The following TOP2B variants were observed in gnomAD, a reference collection of about 807,000 sequenced individuals.
TOP2B encodes DNA topoisomerase 2-beta.
In TOP2B, 51 loss-of-function variants were observed where a neutral mutation model predicts 193.5. The ratio of observed to expected loss-of-function variants is 0.26; its 90% CI spans 0.21 to 0.33. The LOEUF is 0.33. TOP2B is among the 10% of genes least tolerant of loss of function. The pLI is 1.00. For missense variants in TOP2B, 1,378 were observed against 1,909.3 expected, an observed-to-expected ratio of 0.72 and a Z score of 5.19; for synonymous variants, 634 against 635.7, an observed-to-expected ratio of 1.00 and a Z score of 0.04.
At chr3:25,645,699 G>C (rs1029183718) in intron 1 of TOP2B, among the ~76,000 whole-genome samples, 1 of 152,112 alleles carries the variant, frequency 6.6e-6, no homozygotes, top group East Asian at 1.9e-4. Flanking sequence ...AGAATCACTA[G>C]AGCAGTCTCC....
At chr3:25,611,731 G>C (rs1254256078) in intron 28 of TOP2B, among the ~76,000 whole-genome samples, 1 of 151,860 alleles carries the variant, frequency 6.6e-6, no homozygotes, top group Non-Finnish European at 1.5e-5. Context: ...CAATGACACA[G>C]GATGTGCTTG....
chr3:25,606,283 C>A (rs1004781039), intron 31 of TOP2B, among the ~76,000 whole-genome samples, 161 bp from the exon 32 acceptor site: 10 of 152,068 alleles, frequency 6.6e-5, no homozygotes, highest in Non-Finnish European at 1.5e-5. Context: ...TAATAAAACT[C>A]TTTCTCTCTT....
At position 25,606,044 on chromosome 3, in the gene TOP2B, A is replaced by T; in HGVS notation, c.4377T>A (p.Asp1459Glu). ...SFPSYSQKSE[D>E]DSAKFDSNEE... is the part of the protein sequence containing the mutation. The stretch of plus-strand genomic sequence containing the variant: ...AATGAAAAGACTAAATGAACATACC[A>T]TCTTCTGACTTCTGAGAATATGAAG... The change falls in exon 32 of 36, where the codon GAT (aspartate) becomes GAA (glutamate). Residue 1459 changes from aspartate (D) to glutamate (E), a missense_variant and splice_region_variant. By Grantham distance (45) the Asp-to-Glu change is conservative. This residue lies in a region of TOP2B where 556 missense variants were observed against 584.2 expected (regional missense o/e 0.95). Transcript: ENST00000264331. The T allele has an allele frequency of 6.8e-7, 1 of 1,471,398 alleles. No individual in the cohort carries two copies. The highest frequency in any genetic ancestry group is 9.1e-7 in the Non-Finnish European group (1 of 1,096,122). The allele number at this position is 1,471,398 out of a possible 1,614,324, so 91.1% of individuals were successfully genotyped here.
intron 18 of TOP2B, among the ~76,000 whole-genome samples, chr3:25,625,569 G>A (rs1057205233): frequency 8.6e-5 from 13 of 151,734 alleles, no homozygotes; most frequent in Admixed American, 8.5e-4. Context: ...TTTGTTTTTT[G>A]GTTTTTTTGC....
intron 34 of TOP2B, among the ~76,000 whole-genome samples, chr3:25,600,594 A>G (rs963826241): frequency 6.6e-6 from 1 of 152,220 alleles, no homozygotes; most frequent in Non-Finnish European, 1.5e-5. Context: ...CCCTCATATC[A>G]TGTCTTACAA....
intron 12 of TOP2B, 73 bp from the exon 13 acceptor site, chr3:25,630,227 A>G (rs2125377541): frequency 6.6e-7 from 1 of 1,519,032 alleles, no homozygotes; most frequent in East Asian, 2.5e-5. Flanking sequence ...ACATTTAAAA[A>G]TTCGAGAAGT....
intron 13 of TOP2B, 28 bp from the exon 14 acceptor site, chr3:25,629,173 T>A (rs777981269): frequency 1.4e-6 from 2 of 1,445,578 alleles, no homozygotes; most frequent in Admixed American, 2.3e-5. Context: ...AAGTAAAAAA[T>A]GTTGTAATAC....
At chr3:25,619,264 C>T (rs992610038) in intron 23 of TOP2B, among the ~76,000 whole-genome samples, 5 of 150,350 alleles carry the variant, frequency 3.3e-5, no homozygotes, top group African/African-American at 1.3e-4. Context: ...CCCTTTCTCT[C>T]GCTTTCACAT....
At chr3:25,620,534 G>T (rs1702631918) in intron 22 of TOP2B, 148 bp downstream of exon 22, 1 of 767,498 alleles carries the variant, frequency 1.3e-6, no homozygotes, top group Non-Finnish European at 2.0e-6. Context: ...AATATTCAAA[G>T]CACAAATTCA....
chr3:25,615,751 T>C (rs1559495468), intron 25 of TOP2B, 165 bp from the exon 26 acceptor site: 2 of 544,796 alleles, frequency 3.7e-6, no homozygotes, highest in Admixed American at 4.1e-5. Context: ...TATTTCCTTA[T>C]AAAAAGTTTA....
chr3:25,651,399 T>C (rs2125403856), intron 1 of TOP2B, among the ~76,000 whole-genome samples: 1 of 148,674 alleles, frequency 6.7e-6, no homozygotes, highest in South Asian at 2.1e-4. Flanking sequence ...AAAATATCTG[T>C]AGAATATACA....
intron 35 of TOP2B, 98 bp downstream of exon 35, chr3:25,599,337 G>A: frequency 9.4e-7 from 1 of 1,066,208 alleles, no homozygotes; most frequent in Non-Finnish European, 1.4e-6. Context: ...ATGCTAGGTG[G>A]AAAGCTGTTC....
chr3:25,621,549 C>T (rs1303570266), intron 21 of TOP2B, among the ~76,000 whole-genome samples: 1 of 151,964 alleles, frequency 6.6e-6, no homozygotes, highest in Non-Finnish European at 1.5e-5. Context: ...TTTGTAGAGA[C>T]AGGGTTTTGC....
rs755824500 is a variant in TOP2B at position 25,618,853 on chromosome 3, A to G, written c.3064-4T>C. 2.0e-5 allele frequency: 32 copies of G among 1,592,520 alleles called. No homozygotes were observed. The highest frequency in any genetic ancestry group is 2.4e-5 in the Non-Finnish European group (28 of 1,167,628). On this transcript the variant is annotated splice_polypyrimidine_tract_variant and splice_region_variant and intron_variant, in intron 23 of 35. Transcript: ENST00000264331. ...ATCCCATATGATCAAAAAGTACCTA[A>G]GCAAAACACATATACTTTGCAGATC...
At chr3:25,635,841 A>G in intron 7 of TOP2B, 95 bp downstream of exon 7, 1 of 1,008,336 alleles carries the variant, frequency 9.9e-7, no homozygotes, top group Non-Finnish European at 1.5e-6. Flanking sequence ...CACACCAGTA[A>G]AAGAGACTAC....
At chr3:25,628,370 G>T (rs1005813283) in intron 15 of TOP2B, among the ~76,000 whole-genome samples, 22 of 72,290 alleles carry the variant, frequency 3.0e-4, no homozygotes, top group African/African-American at 1.4e-3. Context: ...AGCTACTTGC[G>T]GGGGCTGAGG....
chr3:25,645,180 G>A, intron 2 of TOP2B, 120 bp downstream of exon 2: 1 of 936,956 alleles, frequency 1.1e-6, no homozygotes. Flanking sequence ...ACCCTACTTT[G>A]ACTATGACAG....
At chr3:25,610,634 G>A (rs1702346851) in intron 28 of TOP2B, among the ~76,000 whole-genome samples, 1 of 152,172 alleles carries the variant, frequency 6.6e-6, no homozygotes, top group Admixed American at 6.5e-5. Context: ...AACACACAGA[G>A]GCATACAGGT....
At chr3:25,638,025 A>T in intron 5 of TOP2B, 140 bp downstream of exon 5, 1 of 846,078 alleles carries the variant, frequency 1.2e-6, no homozygotes. Context: ...TTACCAAGAC[A>T]ATATTTATAC....
Sources: gnomAD v4.1 joint callset for allele counts (sites outside exome capture counted in the v4.1 genomes callset) on GRCh38, gnomAD v4.1.1 for gene constraint, gnomAD v4.1.1 regional missense constraint, MANE v1.5 for transcripts, NCBI Gene and HGNC (gene_info 2026-07-23, HGNC 2026-07-21) for gene names.